PCYT1A: variants seen among roughly 807,000 people sequenced by gnomAD.
The protein encoded by PCYT1A is phosphate cytidylyltransferase 1A, choline.
In PCYT1A, 25 loss-of-function variants were observed where a neutral mutation model predicts 43.7. The observed-to-expected ratio is 0.57, with a 90% CI of 0.42 to 0.80. The LOEUF (loss-of-function observed/expected upper bound fraction) is 0.80, where lower values mean the gene tolerates loss of function less well. PCYT1A is among the 30% of genes least tolerant of loss of function. The pLI is 0.00. For missense variants in PCYT1A, 421 were observed against 474.2 expected, an observed-to-expected ratio of 0.89 and a Z score of 1.04; for synonymous variants, 172 against 170.7, an observed-to-expected ratio of 1.01 and a Z score of -0.06.
chr3:196,241,779 ACTGT>A (rs1444416153), intron 7 of PCYT1A, 165 bp downstream of exon 7: 4 of 1,179,776 alleles, frequency 3.4e-6, no homozygotes, highest in Admixed American at 2.0e-5. Context: ...AACGGCAGAA[ACTGT>A]CTGTTTCATT....
intron 1 of PCYT1A, among the ~76,000 whole-genome samples, chr3:196,271,031 C>CT (rs111636034): frequency 0.026 from 3,915 of 152,126 alleles, 155 homozygotes; most frequent in African/African-American, 0.088. Flanking sequence ...TTTCTTAACT[C>CT]TAATTTTTTT....
intron 3 of PCYT1A, among the ~76,000 whole-genome samples, chr3:196,254,594 T>C (rs908100765): frequency 7.9e-5 from 12 of 152,228 alleles, no homozygotes; most frequent in Admixed American, 7.8e-4. Flanking sequence ...CAAGCAATCC[T>C]TCTGCCTTGG....
Position 196,277,669 on chromosome 3 carries a change from G to A in PCYT1A, c.-10-7128C>T, listed in dbSNP as rs142203063. 2.0e-5 allele frequency among the ~76,000 whole-genome samples: 3 copies of A among 152,110 alleles called. No homozygotes were observed. Among genetic ancestry groups the A allele is most frequent in the East Asian group, 1.9e-4 (1 of 5,172 alleles). Reference sequence around the variant, plus strand: ...GTGGATCACATGAGGTCAGGAGTTCGCAACCAGCCTGGCCAACATGGTGAA... The same window carrying A: ...GTGGATCACATGAGGTCAGGAGTTCACAACCAGCCTGGCCAACATGGTGAA... On this transcript the variant is annotated intron_variant, in intron 1 of 8. Transcript: ENST00000431016. This position sits in a 1 kb window ranked among gnomAD's most constrained non-coding sequence, Gnocchi z 4.1.
chr3:196,279,581 G>A (rs1005244463), intron 1 of PCYT1A, among the ~76,000 whole-genome samples: 1 of 152,134 alleles, frequency 6.6e-6, no homozygotes, highest in Non-Finnish European at 1.5e-5. Flanking sequence ...AGTACACACT[G>A]CTTGCCTTGT....
Position 196,259,911 on chromosome 3 carries a change from C to CTTT in PCYT1A, c.118-2027_118-2025dup, listed in dbSNP as rs779918737. Among the ~76,000 whole-genome samples, 65 of 48,962 alleles carry CTTT rather than the reference C, an allele frequency of 1.3e-3. 11 individuals carry two copies. Among genetic ancestry groups the CTTT allele is most frequent in the African/African-American group, 3.5e-3 (44 of 12,542 alleles). 32.1% of individuals were successfully genotyped at this position (48,962 alleles called of 152,430 possible). A position where few individuals can be genotyped will look rare whatever the true frequency, so the allele number is the denominator to read the frequency against. ...ACTTAATGATATAAATGGAAACATT[C>CTTT]TTTTTTTTTTTTTTTTTTTTTTTTT... On this transcript the variant is annotated intron_variant, in intron 2 of 8. Coordinates refer to ENST00000431016, the MANE Select transcript of PCYT1A (RefSeq NM_001312673.2).
chr3:196,238,815 C>A lies in PCYT1A; in HGVS notation c.977G>T (p.Arg326Leu), dbSNP rs549056100. ...GAAAGAGGGGGAGGGGGAGCGCTCG[C>A]GAGTAGGGCTGCTGCTGGGGCTCTG... The part of the protein sequence containing the change: ...PKQSPSSSPT[R>L]ERSPSPSFRW... The change falls in exon 9 of 9, where the codon CGC (arginine) becomes CTC (leucine). Residue 326 changes from arginine (R) to leucine (L), a missense_variant. Physicochemically the swap from Arg to Leu is moderately radical, Grantham distance 102 (BLOSUM62 -2). Transcript: ENST00000431016. 3 of 1,573,388 alleles carry A rather than the reference C, an allele frequency of 1.9e-6. No individual in the cohort carries two copies. The highest frequency in any genetic ancestry group is 1.2e-5 in the South Asian group (1 of 85,420).
At chr3:196,276,921 G>T (rs1473686121) in intron 1 of PCYT1A, among the ~76,000 whole-genome samples, 1 of 150,276 alleles carries the variant, frequency 6.7e-6, no homozygotes, top group Non-Finnish European at 1.5e-5. Context: ...GGACAGCAAA[G>T]TGAGACCCTT....
Position 196,238,876 on chromosome 3 carries a change from CCT to C in PCYT1A, c.914_915del (p.Glu305GlyfsTer55), listed in dbSNP as rs763248683. 2.1e-6 allele frequency: 3 copies of C among 1,449,426 alleles called. No individual in the cohort carries two copies. Among genetic ancestry groups the C allele is most frequent in the Non-Finnish European group, 2.7e-6 (3 of 1,099,378 alleles). The allele number at this position is 1,449,426 out of a possible 1,614,324, so 89.8% of individuals were successfully genotyped here. ...PEGALKHMLK[E>X]GKGRMLQAIS... ...ATGGCCTGCAGCATCCGGCCCTTCC[CCT>C]CTTTCAGCATATGTTTCTGCAGAAA... On this transcript the variant is annotated frameshift_variant, in exon 9 of 9. Transcript: ENST00000431016. LOFTEE classifies it high-confidence loss of function.
chr3:196,253,983 A>G (rs1042477382), intron 3 of PCYT1A, among the ~76,000 whole-genome samples: 2 of 149,520 alleles, frequency 1.3e-5, no homozygotes, highest in Middle Eastern at 3.3e-3. Flanking sequence ...TCATTTATAT[A>G]TTATGCATAT....
chr3:196,239,809 A>G (rs1216592495), intron 7 of PCYT1A, 74 bp from the exon 8 acceptor site: 1 of 999,060 alleles, frequency 1.0e-6, no homozygotes, highest in East Asian at 2.4e-5. Flanking sequence ...ACGAAAAAAC[A>G]TGGCTCAAGC....
chr3:196,254,603 G>C (rs1724900236), intron 3 of PCYT1A, among the ~76,000 whole-genome samples: 1 of 151,680 alleles, frequency 6.6e-6, no homozygotes, highest in Non-Finnish European at 1.5e-5. Flanking sequence ...CTTCTGCCTT[G>C]GCCTCCCAAA....
At position 196,277,456 on chromosome 3, in the gene PCYT1A, A is replaced by G. The variant is rs1428080218; in HGVS notation, c.-10-6915T>C. On this transcript the variant is annotated intron_variant, in intron 1 of 8. Coordinates refer to ENST00000431016, the MANE Select transcript of PCYT1A (RefSeq NM_001312673.2). The surrounding 1 kb of genome is among the most constrained non-coding windows in gnomAD (Gnocchi z 4.1). Reference sequence around the variant, plus strand: ...TGTAAGACACTTCTTTATCTCATCCACTTCTCAGGAGATGGAAAACATCTG... The same window carrying G: ...TGTAAGACACTTCTTTATCTCATCCGCTTCTCAGGAGATGGAAAACATCTG... 6.6e-6 allele frequency among the ~76,000 whole-genome samples: 1 copy of G among 152,176 alleles called. No individual in the cohort carries two copies. The highest frequency in any genetic ancestry group is 2.4e-5 in the African/African-American group (1 of 41,442).
intron 5 of PCYT1A, among the ~76,000 whole-genome samples, chr3:196,245,267 G>A (rs148305958): frequency 7.4e-4 from 112 of 151,472 alleles, no homozygotes; most frequent in African/African-American, 2.6e-3. Context: ...TCAGCCTCCC[G>A]AGTAGCTGGG....
intron 1 of PCYT1A, among the ~76,000 whole-genome samples, chr3:196,274,455 C>T (rs910773472): frequency 4.6e-5 from 7 of 152,184 alleles, no homozygotes; most frequent in Admixed American, 6.5e-5. Flanking sequence ...GGGATAGTTG[C>T]GTTTTTCTTA....
At chr3:196,279,219 C>T (rs1013961694) in intron 1 of PCYT1A, among the ~76,000 whole-genome samples, 6 of 148,074 alleles carry the variant, frequency 4.1e-5, no homozygotes, top group African/African-American at 1.5e-4. Flanking sequence ...ACCCAAGAGA[C>T]GGAGGCTGCA....
chr3:196,264,554 C>A lies in PCYT1A; in HGVS notation c.117+5861G>T, dbSNP rs118092466. 3.2e-4 allele frequency among the ~76,000 whole-genome samples: 48 copies of A among 152,268 alleles called. No homozygotes were observed. In the East Asian group the frequency reaches 8.7e-3, roughly 27 times the overall value. On this transcript the variant is annotated intron_variant, in intron 2 of 8. Transcript: ENST00000431016. ...AGCTCAGAAATAACCCTTTTGATGA[C>A]GCTTTTCCCAAACCACTGCCCCTAC...
chr3:196,243,598 G>A (rs1724437723), intron 5 of PCYT1A, among the ~76,000 whole-genome samples: 1 of 151,978 alleles, frequency 6.6e-6, no homozygotes, highest in African/African-American at 2.4e-5. Context: ...AAGCTGGACT[G>A]TACTGCCGCC....
intron 1 of PCYT1A, among the ~76,000 whole-genome samples, chr3:196,279,826 C>CTTTTTT (rs397723929): frequency 7.9e-5 from 4 of 50,948 alleles, no homozygotes; most frequent in Non-Finnish European, 1.0e-4. Flanking sequence ...CCAGTCCTTT[C>CTTTTTT]TTTTTTTTTT....
At chr3:196,278,187 T>G (rs1725646983) in intron 1 of PCYT1A, among the ~76,000 whole-genome samples, 1 of 152,166 alleles carries the variant, frequency 6.6e-6, no homozygotes, top group African/African-American at 2.4e-5. Flanking sequence ...GCTTCTTAAT[T>G]TGTTACACTG....
Sources: gnomAD v4.1 joint callset for allele counts (sites outside exome capture counted in the v4.1 genomes callset) on GRCh38, gnomAD v4.1.1 for gene constraint, Gnocchi (gnomAD v3.1) non-coding constraint, MANE v1.5 for transcripts, NCBI Gene and HGNC (gene_info 2026-07-23, HGNC 2026-07-21) for gene names.